Variants in SPTB observed in about 807,000 individuals in gnomAD.
SPTB encodes the protein spectrin beta, erythrocytic.
Under a neutral mutation model 256.2 loss-of-function variants are expected in SPTB, and 45 were observed. The observed-to-expected ratio is 0.18, with a 90% confidence interval of 0.14 to 0.23. SPTB has a LOEUF of 0.23. Ranked by LOEUF, SPTB falls within the 10% of genes least tolerant of loss-of-function variation. The pLI, the probability that SPTB is intolerant of heterozygous loss-of-function variation, is 1.00. For missense variants in SPTB, 2,715 were observed against 3,040.4 expected (o/e 0.89, Z 2.52); for synonymous variants, 1,231 against 1,243.1 (o/e 0.99, Z 0.21).
At chr14:64,839,991 T>C (rs2083581670) in intron 1 of SPTB, among the ~76,000 whole-genome samples, 1 of 152,242 alleles carries the variant, frequency 6.6e-6, no homozygotes, top group South Asian at 2.1e-4. Flanking sequence ...ATGTAAACAA[T>C]GTCTATCAGA....
At position 64,758,562 on chromosome 14, in the gene SPTB, A is replaced by G. The variant is rs903509492; in HGVS notation, c.6346-4769T>C. On this transcript the variant is annotated intron_variant, in intron 32 of 35. Coordinates refer to ENST00000644917, the MANE Select transcript of SPTB (RefSeq NM_001355436.2). The surrounding 1 kb of genome is among the most constrained non-coding windows in gnomAD (Gnocchi z 4.6). Reference sequence around the variant, plus strand: ...TGCTGCTGAGTGGAGGGCTCTGGTAATTCACAAGTGGATTTTACAAACAGC... The same window carrying G: ...TGCTGCTGAGTGGAGGGCTCTGGTAGTTCACAAGTGGATTTTACAAACAGC... Among the ~76,000 whole-genome samples, 3 of 152,270 alleles carry G rather than the reference A, an allele frequency of 2.0e-5. No homozygotes were observed. Among genetic ancestry groups the G allele is most frequent in the Non-Finnish European group, 4.4e-5 (3 of 68,044 alleles).
Position 64,785,661 on chromosome 14 carries a change from TGCCGAGCTTGGGGTCCTC to T in SPTB, c.3765-52_3765-35del, listed in dbSNP as rs773921938. On this transcript the variant is annotated intron_variant, in intron 17 of 35. Coordinates refer to ENST00000644917, the MANE Select transcript of SPTB (RefSeq NM_001355436.2). This position sits in a 1 kb window ranked among gnomAD's most constrained non-coding sequence, Gnocchi z 4.4. ...GAAGCCAAAAGCACAGTCACAATAG[TGCCGAGCTTGGGGTCCTC>T]ACCAAGCTTGGGGTCCTCACTACCC... 7.4e-6 allele frequency: 12 copies of T among 1,613,510 alleles called. No homozygotes were observed. The highest frequency in any genetic ancestry group is 1.7e-5 in the Admixed American group (1 of 60,024).
At position 64,806,453 on chromosome 14, in the gene SPTB, G is replaced by A. The variant is rs900757256; in HGVS notation, c.149-1363C>T. The stretch of plus-strand genomic sequence containing the variant: ...AGCGGGGTCTGCCCGGTCGGAGCAG[G>A]CTGTGTGCTCGACTGAGCCTCAACC... On this transcript the variant is annotated intron_variant, in intron 2 of 35. Transcript: ENST00000644917. This position sits in a 1 kb window ranked among gnomAD's most constrained non-coding sequence, Gnocchi z 4.1. Among the ~76,000 whole-genome samples the A allele has an allele frequency of 6.6e-6, 1 of 152,254 alleles. No individual in the cohort carries two copies. The highest frequency in any genetic ancestry group is 1.5e-5 in the Non-Finnish European group (1 of 68,042).
chr14:64,776,994 G>A (rs2082369071), intron 22 of SPTB, among the ~76,000 whole-genome samples: 1 of 152,216 alleles, frequency 6.6e-6, no homozygotes, highest in African/African-American at 2.4e-5. Flanking sequence ...AACAAAGGCT[G>A]GGCCTTCCTC....
intron 2 of SPTB, among the ~76,000 whole-genome samples, chr14:64,818,587 G>A (rs551105809): frequency 6.6e-6 from 1 of 152,340 alleles, no homozygotes; most frequent in African/African-American, 2.4e-5. Flanking sequence ...AAGGGGAGGA[G>A]TGTGCAGGCA....
Position 64,799,751 on chromosome 14 carries a change from G to A in SPTB, c.1060C>T (p.Pro354Ser), listed in dbSNP as rs1566770599. ...CCCATGTGCCAGGGCCCTTACTTGGGCGGCTTCTCCACGGTGCGGTAGGTG... is the reference window on the plus strand; with the variant it reads ...CCCATGTGCCAGGGCCCTTACTTGGACGGCTTCTCCACGGTGCGGTAGGTG... ...FSTYRTVEKP[P>S]KFQEKGNLEV... Residue 354 changes from proline (P) to serine (S), a missense_variant, in exon 9 of 36, where the codon CCC becomes TCC. Transcript: ENST00000644917. The A allele has an allele frequency of 6.2e-7, 1 of 1,614,098 alleles. No homozygotes were observed. Among genetic ancestry groups the A allele is most frequent in the Non-Finnish European group, 8.5e-7 (1 of 1,180,016 alleles).
intron 1 of SPTB, among the ~76,000 whole-genome samples, chr14:64,846,560 G>A (rs1046573561): frequency 8.5e-5 from 13 of 152,220 alleles, no homozygotes; most frequent in African/African-American, 2.9e-4. Context: ...TGTGGCAGCT[G>A]ATTAATTCAA....
chr14:64,765,041 T>TGTGTGTGCGC (rs570414192), intron 32 of SPTB, among the ~76,000 whole-genome samples: 1 of 116,988 alleles, frequency 8.5e-6, no homozygotes, highest in Non-Finnish European at 1.7e-5. Context: ...TGTGTGTGTG[T>TGTGTGTGCGC]GCGCGCGCGC....
chr14:64,782,081 G>A (rs1487249984), intron 20 of SPTB, among the ~76,000 whole-genome samples: 1 of 152,132 alleles, frequency 6.6e-6, no homozygotes, highest in Non-Finnish European at 1.5e-5. Flanking sequence ...GTAGGAGAAG[G>A]GAGAGGAGCA....
chr14:64,879,635 C>A (rs560128619), intron 1 of SPTB, among the ~76,000 whole-genome samples, 157 bp downstream of exon 1: 1 of 152,312 alleles, frequency 6.6e-6, no homozygotes, highest in South Asian at 2.1e-4. Context: ...CCTCCCACCC[C>A]ACGCCCGACA....
At chr14:64,773,101 G>A in intron 25 of SPTB, 119 bp downstream of exon 25, 1 of 1,548,548 alleles carries the variant, frequency 6.5e-7, no homozygotes. Context: ...GCATCGGCTG[G>A]TCCCGCCTCA....
intron 29 of SPTB, 82 bp from the exon 30 acceptor site, chr14:64,767,941 G>C (rs769087778): frequency 1.3e-6 from 2 of 1,521,338 alleles, no homozygotes; most frequent in Non-Finnish European, 1.8e-6. Flanking sequence ...ATTGGGGCCA[G>C]TGGTCAGGCA....
chr14:64,827,303 G>A lies in SPTB; in HGVS notation c.-51-4158C>T, dbSNP rs1403398954. Among the ~76,000 whole-genome samples, 1 of 152,222 alleles carries A rather than the reference G, an allele frequency of 6.6e-6. No homozygotes were observed. Among genetic ancestry groups the A allele is most frequent in the East Asian group, 1.9e-4 (1 of 5,202 alleles). On this transcript the variant is annotated intron_variant, in intron 1 of 35. Coordinates refer to ENST00000644917, the MANE Select transcript of SPTB (RefSeq NM_001355436.2). The surrounding 1 kb of genome is among the most constrained non-coding windows in gnomAD (Gnocchi z 4.6). ...CAACAAAGCACAAAGATCTACTTCC[G>A]AAGTGGGAAACCGGGGGAATACAGG... is the stretch of plus-strand genomic sequence containing the variant.
intron 1 of SPTB, among the ~76,000 whole-genome samples, chr14:64,872,772 G>A (rs1030459083): frequency 2.0e-5 from 3 of 152,140 alleles, no homozygotes; most frequent in African/African-American, 7.2e-5. Context: ...TGAATCACGG[G>A]GGTGGGTTTT....
At chr14:64,784,478 G>A (rs1052371674) in intron 18 of SPTB, 85 bp from the exon 19 acceptor site, 2 of 1,557,480 alleles carry the variant, frequency 1.3e-6, no homozygotes, top group African/African-American at 2.7e-5. Flanking sequence ...GGCTGCAGAA[G>A]GAGAAGGCCA....
intron 32 of SPTB, chr14:64,763,834 C>A (rs1413389980): frequency 1.9e-6 from 1 of 518,958 alleles, no homozygotes; most frequent in Non-Finnish European, 3.8e-6. Context: ...GCGGTGGGAC[C>A]GTGCAGTGAT....
At chr14:64,803,556 C>T in intron 4 of SPTB, 51 bp downstream of exon 4, 1 of 1,610,382 alleles carries the variant, frequency 6.2e-7, no homozygotes, top group South Asian at 1.1e-5. Context: ...TTCTAAGGCC[C>T]TGGGCAGCCT....
chr14:64,785,412 TC>T lies in SPTB; in HGVS notation c.3855+124del, dbSNP rs968242199. ...AATGACCCAATTAAGTACCCAGAGG[TC>T]CCCGCTCATGGAATCCCACAGCTCT... On this transcript the variant is annotated intron_variant, in intron 18 of 35. Transcript: ENST00000644917. The surrounding 1 kb of genome is among the most constrained non-coding windows in gnomAD (Gnocchi z 4.4). 1.3e-5 allele frequency: 11 copies of T among 830,042 alleles called. No individual in the cohort carries two copies. In the African/African-American group the frequency reaches 1.9e-4, roughly 14 times the overall value. The allele number at this position is 830,042 out of a possible 1,614,324, so 51.4% of individuals were successfully genotyped here. A position where few individuals can be genotyped will look rare whatever the true frequency, so the allele number is the denominator to read the frequency against.
chr14:64,765,017 A>AGGGTGTGTGTGTGTGT (rs2082144823), intron 32 of SPTB, among the ~76,000 whole-genome samples: 1 of 108,822 alleles, frequency 9.2e-6, no homozygotes, highest in African/African-American at 3.8e-5. Context: ...GCCACAGAGG[A>AGGGTGTGTGTGTGTGT]GTGTGTGCGT....
Sources: gnomAD v4.1 joint callset for allele counts (sites outside exome capture counted in the v4.1 genomes callset) on GRCh38, gnomAD v4.1.1 for gene constraint, Gnocchi (gnomAD v3.1) non-coding constraint, MANE v1.5 for transcripts, NCBI Gene and HGNC (gene_info 2026-07-23, HGNC 2026-07-21) for gene names.